Variants in DHX29 observed in about 807,000 individuals in gnomAD.
DHX29 encodes DExH-box helicase 29, also known as ATP-dependent RNA helicase DHX29.
Under a neutral mutation model 167.9 loss-of-function variants are expected in DHX29, and 79 were observed. The ratio of observed to expected loss-of-function variants is 0.47; its 90% CI spans 0.39 to 0.57. The LOEUF is 0.57. Ranked by LOEUF, DHX29 falls within the 20% of genes least tolerant of loss-of-function variation. DHX29 has a pLI of 0.00. For synonymous variants in DHX29, 530 were observed against 546.0 expected (o/e 0.97, Z 0.41); for missense variants, 1,347 against 1,593.4 (o/e 0.85, Z 2.63).
chr5:55,284,616 T>C (rs1305333035), intron 10 of DHX29, among the ~76,000 whole-genome samples: 1 of 152,206 alleles, frequency 6.6e-6, no homozygotes, highest in Non-Finnish European at 1.5e-5. Context: ...ACACATTTAC[T>C]GTAAAAAGGA....
chr5:55,271,347 T>G (rs1455201948), intron 18 of DHX29, among the ~76,000 whole-genome samples: 1 of 152,250 alleles, frequency 6.6e-6, no homozygotes, highest in Admixed American at 6.5e-5. Flanking sequence ...AATTTTCATT[T>G]TGGCTGGGCG....
rs747361832 is a variant in DHX29, at chr5:55,277,098, A to C, written c.2286+8T>G. The C allele has an allele frequency of 1.5e-4, 237 of 1,595,742 alleles. No homozygotes were observed. Among genetic ancestry groups the C allele is most frequent in the Non-Finnish European group, 2.0e-4 (232 of 1,172,080 alleles). ...TCTGCTTATACACACATTATAAAGAAAACTTACCTCAACAGGATAACTTCT... is the reference window on the plus strand; with the variant it reads ...TCTGCTTATACACACATTATAAAGACAACTTACCTCAACAGGATAACTTCT... On this transcript the variant is annotated splice_region_variant and intron_variant, in intron 13 of 26. Coordinates refer to ENST00000251636, the MANE Select transcript of DHX29 (RefSeq NM_019030.4).
chr5:55,307,663 G>A lies in DHX29; in HGVS notation c.-90C>T, dbSNP rs1191696185. The A allele has an allele frequency of 8.6e-6, 13 of 1,506,448 alleles. No individual in the cohort carries two copies. The highest frequency in any genetic ancestry group is 1.4e-5 in the African/African-American group (1 of 71,526). The allele number at this position is 1,506,448 out of a possible 1,614,324, so 93.3% of individuals were successfully genotyped here. A position where few individuals can be genotyped will look rare whatever the true frequency, so the allele number is the denominator to read the frequency against. Reference sequence around the variant, plus strand: ...GCTCTTCACATTCCCCGGCTCCGGGGCTGCCACCCTGCGCTTCGATCCGGG... The same window carrying A: ...GCTCTTCACATTCCCCGGCTCCGGGACTGCCACCCTGCGCTTCGATCCGGG... On this transcript the variant is annotated 5_prime_UTR_variant, in exon 1 of 27. Coordinates refer to ENST00000251636, the MANE Select transcript of DHX29 (RefSeq NM_019030.4).
At chr5:55,268,243 G>A (rs572418811) in intron 21 of DHX29, among the ~76,000 whole-genome samples, 50 of 152,172 alleles carry the variant, frequency 3.3e-4, no homozygotes, top group African/African-American at 1.1e-3. Flanking sequence ...TTAGTCTGCC[G>A]TGATCTTTAA....
At position 55,294,068 on chromosome 5, in the gene DHX29, T is replaced by C; in HGVS notation, c.729A>G (p.Glu243=). The C allele has an allele frequency of 6.2e-7, 1 of 1,608,890 alleles. No homozygotes were observed. Among genetic ancestry groups the C allele is most frequent in the African/African-American group, 1.3e-5 (1 of 74,868 alleles). Residue 243 remains glutamate, a synonymous_variant, in exon 6 of 27, where the codon GAA becomes GAG. Coordinates refer to ENST00000251636, the MANE Select transcript of DHX29 (RefSeq NM_019030.4). ...ILRYAEQQNE[E]EKNENSKSLE... ...AACTTTTAGAATTCTCATTCTTTTC[T>C]TCTTCATTTTGTTGTTCAGCATATC...
At chr5:55,293,833 TTAACA>T in intron 6 of DHX29, among the ~76,000 whole-genome samples, 179 bp downstream of exon 6, 1 of 152,366 alleles carries the variant, frequency 6.6e-6, no homozygotes, top group South Asian at 2.1e-4. Flanking sequence ...GAAATGTTAA[TTAACA>T]TCTTTTGAGC....
At chr5:55,283,941 T>C in intron 10 of DHX29, 130 bp from the exon 11 acceptor site, 2 of 619,458 alleles carry the variant, frequency 3.2e-6, no homozygotes, top group South Asian at 2.8e-5. Context: ...TACTTTAATA[T>C]ATGTATGTGT....
At chr5:55,286,526 T>TG (rs1458148623) in intron 8 of DHX29, among the ~76,000 whole-genome samples, 1 of 152,218 alleles carries the variant, frequency 6.6e-6, no homozygotes, top group Non-Finnish European at 1.5e-5. Context: ...GTTTATCAGC[T>TG]GTCTGCCACC....
chr5:55,272,300 C>T (rs1188923133), intron 17 of DHX29, 125 bp from the exon 18 acceptor site: 1 of 651,538 alleles, frequency 1.5e-6, no homozygotes, highest in African/African-American at 2.0e-5. Flanking sequence ...CAAAAATTTA[C>T]AATCTATTTG....
chr5:55,259,746 C>G (rs1353134583), intron 26 of DHX29, 102 bp downstream of exon 26: 3 of 627,084 alleles, frequency 4.8e-6, no homozygotes, highest in Non-Finnish European at 8.4e-6. Context: ...CGTGAGCCAC[C>G]GTGCCTGGCC....
chr5:55,289,770 T>A (rs1257555530), intron 7 of DHX29, among the ~76,000 whole-genome samples: 1 of 152,244 alleles, frequency 6.6e-6, no homozygotes, highest in East Asian at 1.9e-4. Flanking sequence ...CTCTCTTGAA[T>A]GACCACGATA....
intron 25 of DHX29, among the ~76,000 whole-genome samples, chr5:55,260,597 AT>A (rs1200020235): frequency 6.6e-6 from 1 of 152,130 alleles, no homozygotes; most frequent in African/African-American, 2.4e-5. Flanking sequence ...CTTTTAGTAA[AT>A]TTATAGAATT....
chr5:55,297,207 G>T, intron 3 of DHX29, 78 bp downstream of exon 3: 1 of 676,226 alleles, frequency 1.5e-6, no homozygotes. Flanking sequence ...AAGTTGTAAA[G>T]CCATTTTTAT....
At chr5:55,305,618 G>A (rs939834209) in intron 1 of DHX29, among the ~76,000 whole-genome samples, 5 of 152,184 alleles carry the variant, frequency 3.3e-5, no homozygotes, top group African/African-American at 1.2e-4. Flanking sequence ...CAGCTGTGGA[G>A]CCCTATTAAA....
At chr5:55,293,411 T>C (rs111693151) in intron 6 of DHX29, among the ~76,000 whole-genome samples, 4 of 152,242 alleles carry the variant, frequency 2.6e-5, no homozygotes, top group Non-Finnish European at 4.4e-5. Flanking sequence ...ATTAGCAATA[T>C]GAGTATTCCA....
chr5:55,268,823 G>A (rs1297547672), intron 21 of DHX29, among the ~76,000 whole-genome samples: 1 of 151,946 alleles, frequency 6.6e-6, no homozygotes, highest in Non-Finnish European at 1.5e-5. Flanking sequence ...AAAAAGGAAA[G>A]AAAAAAAGTT....
chr5:55,274,451 T>TA (rs1302253383), intron 16 of DHX29, among the ~76,000 whole-genome samples, 163 bp downstream of exon 16: 1 of 152,150 alleles, frequency 6.6e-6, no homozygotes, highest in Non-Finnish European at 1.5e-5. Flanking sequence ...TTTTAGTAGA[T>TA]AACATGTTAT....
intron 5 of DHX29, 65 bp from the exon 6 acceptor site, chr5:55,294,210 A>G: frequency 6.9e-7 from 1 of 1,441,686 alleles, no homozygotes; most frequent in Non-Finnish European, 9.3e-7. Context: ...CTATCTTGTC[A>G]CTGCTTTTAC....
Position 55,256,382 on chromosome 5 carries a change from C to T in DHX29, c.*106G>A. On this transcript the variant is annotated 3_prime_UTR_variant, in exon 27 of 27. Coordinates refer to ENST00000251636, the MANE Select transcript of DHX29 (RefSeq NM_019030.4). ...CCACCTTTAAGTTAATGGCTAGTACCAACATTTTAAGTAATGAAATACTTA... is the reference window on the plus strand; with the variant it reads ...CCACCTTTAAGTTAATGGCTAGTACTAACATTTTAAGTAATGAAATACTTA... 4 of 991,592 alleles carry T rather than the reference C, an allele frequency of 4.0e-6. No homozygotes were observed. Among genetic ancestry groups the T allele is most frequent in the Admixed American group, 6.1e-5 (2 of 32,890 alleles). 61.4% of individuals were successfully genotyped at this position (991,592 alleles called of 1,614,324 possible).
Sources: gnomAD v4.1 joint callset for allele counts (sites outside exome capture counted in the v4.1 genomes callset) on GRCh38, gnomAD v4.1.1 for gene constraint, MANE v1.5 for transcripts, NCBI Gene and HGNC (gene_info 2026-07-23, HGNC 2026-07-21) for gene names.